EPB41L4A: variants seen among roughly 807,000 people sequenced by gnomAD.
The protein encoded by EPB41L4A is erythrocyte membrane protein band 4.1 like 4A.
In EPB41L4A, 100 loss-of-function variants were observed where a neutral mutation model predicts 108.6. The ratio of observed to expected loss-of-function variants is 0.92; its 90% CI spans 0.78 to 1.09. The LOEUF (loss-of-function observed/expected upper bound fraction) is 1.09, where lower values mean the gene tolerates loss of function less well. EPB41L4A is among the 50% of genes least tolerant of loss of function. EPB41L4A has a pLI of 0.00. For synonymous variants in EPB41L4A, 319 were observed against 289.0 expected, an observed-to-expected ratio of 1.10 and a Z score of -1.05; for missense variants, 1,030 against 842.7, an observed-to-expected ratio of 1.22 and a Z score of -2.75.
At chr5:112,209,868 G>A (rs754666159) in intron 13 of EPB41L4A, 24 bp downstream of exon 13, 11 of 1,426,260 alleles carry the variant, frequency 7.7e-6, no homozygotes, top group Admixed American at 1.8e-5. Flanking sequence ...ATAATTGTAC[G>A]TTTCTTCAGT....
Position 112,317,487 on chromosome 5 carries a change from C to A in EPB41L4A, c.100-9997G>T, listed in dbSNP as rs537268548. ...GAAATATCTAACTTAAAATCCTGAG[C>A]TCCTTCTAATACAGCAGTGATTCTT... On this transcript the variant is annotated intron_variant, in intron 1 of 22. Coordinates refer to ENST00000261486, the MANE Select transcript of EPB41L4A (RefSeq NM_022140.5). Among the ~76,000 whole-genome samples, 6 of 152,352 alleles carry A rather than the reference C, an allele frequency of 3.9e-5. No individual in the cohort carries two copies. The East Asian group carries it at 1.2e-3, about 29-fold the overall frequency.
intron 6 of EPB41L4A, among the ~76,000 whole-genome samples, chr5:112,262,971 G>A (rs1284119471): frequency 6.6e-6 from 1 of 152,168 alleles, no homozygotes; most frequent in Non-Finnish European, 1.5e-5. Flanking sequence ...AAGGGAACTA[G>A]AGCAATGGTC....
chr5:112,150,419 A>G (rs1759422920), intron 12 of EPB41L4A, among the ~76,000 whole-genome samples: 1 of 152,222 alleles, frequency 6.6e-6, no homozygotes, highest in Non-Finnish European at 1.5e-5. Context: ...TGCATAACAA[A>G]AAAGCAAAAG....
At chr5:112,331,359 A>T (rs1429347564) in intron 1 of EPB41L4A, among the ~76,000 whole-genome samples, 1 of 152,218 alleles carries the variant, frequency 6.6e-6, no homozygotes, top group Non-Finnish European at 1.5e-5. Context: ...CCAGTGGAGA[A>T]GTGTTGACCA....
In EPB41L4A at chr5:112,234,750, C is replaced by G; in HGVS notation, c.971G>C (p.Arg324Thr). Reference sequence around the variant, plus strand: ...ATCTCGGCTCATTTGCAAAGCTGTCCTGCCACTTGAGAGTGCAACATTTTG... The same window carrying G: ...ATCTCGGCTCATTTGCAAAGCTGTCGTGCCACTTGAGAGTGCAACATTTTG... ...SIRYKHRYSG[R>T]TALQMSRDLS... Residue 324 changes from arginine (R) to threonine (T), a missense_variant, in exon 12 of 23, where the codon AGG (arginine) becomes ACG (threonine). Transcript: ENST00000261486. The G allele has an allele frequency of 6.2e-7, 1 of 1,609,892 alleles. No individual in the cohort carries two copies. The highest frequency in any genetic ancestry group is 8.5e-7 in the Non-Finnish European group (1 of 1,177,266).
At chr5:112,200,600 CCAAA>C (rs1382528954) in intron 15 of EPB41L4A, among the ~76,000 whole-genome samples, 1 of 152,030 alleles carries the variant, frequency 6.6e-6, no homozygotes, top group Admixed American at 6.6e-5. Flanking sequence ...CAACAGGCAC[CCAAA>C]CATTTTTTAA....
At chr5:112,232,370 C>T (rs972824175) in intron 12 of EPB41L4A, among the ~76,000 whole-genome samples, 15 of 152,164 alleles carry the variant, frequency 9.9e-5, no homozygotes, top group Non-Finnish European at 1.0e-4. Context: ...TAGTTTTAGC[C>T]AAACTGCCTT....
intron 8 of EPB41L4A, 24 bp downstream of exon 8, chr5:112,259,867 A>C (rs538307397): frequency 1.3e-6 from 2 of 1,581,328 alleles, no homozygotes; most frequent in African/African-American, 1.3e-5. Flanking sequence ...TAGAATGCCA[A>C]CTCTGTTCTC....
intron 2 of EPB41L4A, among the ~76,000 whole-genome samples, chr5:112,303,799 A>G (rs549257467): frequency 6.6e-6 from 1 of 152,278 alleles, no homozygotes; most frequent in African/African-American, 2.4e-5. Context: ...AAGTGAATGT[A>G]AGAAACTTAG....
At chr5:112,259,419 C>T (rs1300205281) in intron 8 of EPB41L4A, 127 bp from the exon 9 acceptor site, 1 of 707,062 alleles carries the variant, frequency 1.4e-6, no homozygotes, top group Non-Finnish European at 2.5e-6. Flanking sequence ...ATACCCAGTA[C>T]ATACAGCGAC....
chr5:112,273,063 T>A (rs1459381719), intron 4 of EPB41L4A, among the ~76,000 whole-genome samples: 2 of 152,182 alleles, frequency 1.3e-5, no homozygotes, highest in Non-Finnish European at 2.9e-5. Flanking sequence ...TGCTTGTTGG[T>A]TTCAGTTCTT....
chr5:112,148,078 T>C (rs1759329497), intron 12 of EPB41L4A, among the ~76,000 whole-genome samples: 1 of 140,862 alleles, frequency 7.1e-6, no homozygotes. Flanking sequence ...AAATTGGGAG[T>C]TAAATAGTAT....
At chr5:112,280,455 C>G (rs992460777) in intron 2 of EPB41L4A, 132 bp from the exon 3 acceptor site, 1 of 777,534 alleles carries the variant, frequency 1.3e-6, no homozygotes, top group East Asian at 2.6e-5. Context: ...CTCATATACA[C>G]ACACAAACAT....
intron 1 of EPB41L4A, among the ~76,000 whole-genome samples, chr5:112,348,131 T>C (rs887320914): frequency 6.6e-6 from 1 of 152,180 alleles, no homozygotes; most frequent in African/African-American, 2.4e-5. Context: ...CTTTTCTCTA[T>C]GTCACTCCCT....
Position 112,384,540 on chromosome 5 carries a change from G to A in EPB41L4A, c.99+34401C>T, listed in dbSNP as rs147007781. 1.3e-3 allele frequency among the ~76,000 whole-genome samples: 193 copies of A among 151,962 alleles called. 1 individual carries two copies. The highest frequency in any genetic ancestry group is 6.8e-3 in the Middle Eastern group (2 of 294). On this transcript the variant is annotated intron_variant, in intron 1 of 22. Coordinates refer to ENST00000261486, the MANE Select transcript of EPB41L4A (RefSeq NM_022140.5). ...ACTCAGAGCCTGAGAACTTTCTGCC[G>A]CAGCCAAACACATATTTTTCCTTCT...
Position 112,266,309 on chromosome 5 carries a change from C to T in EPB41L4A, c.357G>A (p.Val119=). ...EITRYQFFLQ[V]KQDVLQGRLP... ...GACGGCCCTGAAGGACATCTTGCTT[C>T]ACCTGCAAGAAAAACTGATATCTAA... is the stretch of plus-strand genomic sequence containing the variant. Residue 119 remains valine (V), a synonymous_variant, in exon 5 of 23, where the codon GTG becomes GTA. Coordinates refer to ENST00000261486, the MANE Select transcript of EPB41L4A (RefSeq NM_022140.5). 6.2e-7 allele frequency: 1 copy of T among 1,605,018 alleles called. No homozygotes were observed. The highest frequency in any genetic ancestry group is 8.5e-7 in the Non-Finnish European group (1 of 1,175,784).
intron 2 of EPB41L4A, among the ~76,000 whole-genome samples, chr5:112,287,963 G>A (rs139771789): frequency 1.1e-3 from 162 of 152,270 alleles, no homozygotes; most frequent in Middle Eastern, 6.8e-3. Flanking sequence ...AAATATAAAG[G>A]AGCCAGGACT....
chr5:112,217,679 AGAGTG>A, intron 12 of EPB41L4A, among the ~76,000 whole-genome samples: 2 of 152,336 alleles, frequency 1.3e-5, no homozygotes, highest in Non-Finnish European at 2.9e-5. Flanking sequence ...GCCTGGTGAC[AGAGTG>A]AGACTCCATT....
In EPB41L4A at chr5:112,184,097, T is replaced by A. The variant is rs765388574; in HGVS notation, c.1541A>T (p.Gln514Leu). The change falls in exon 18 of 23, where the codon CAG becomes CTG. Residue 514 changes from glutamine to leucine, a missense_variant. By Grantham distance (113) the Gln-to-Leu change is moderately radical. Coordinates refer to ENST00000261486, the MANE Select transcript of EPB41L4A (RefSeq NM_022140.5). Reference sequence around the variant, plus strand: ...TTGTCTCCTTAATACAGCTTCCCACTGAGGCGCTGAATCAACCATATCATT... The same window carrying A: ...TTGTCTCCTTAATACAGCTTCCCACAGAGGCGCTGAATCAACCATATCATT... ...QENDMVDSAPQWEAVLRRQKE... is the reference protein window; with the variant it reads ...QENDMVDSAPLWEAVLRRQKE... 1 of 1,613,998 alleles carries A rather than the reference T, an allele frequency of 6.2e-7. No homozygotes were observed. Among genetic ancestry groups the A allele is most frequent in the Admixed American group, 1.7e-5 (1 of 60,004 alleles).
Sources: gnomAD v4.1 joint callset for allele counts (sites outside exome capture counted in the v4.1 genomes callset) on GRCh38, gnomAD v4.1.1 for gene constraint, MANE v1.5 for transcripts, NCBI Gene and HGNC (gene_info 2026-07-23, HGNC 2026-07-21) for gene names.